Variants in ARB2A observed in about 807,000 individuals in gnomAD.
The protein encoded by ARB2A is ARB2 cotranscriptional regulator A.
chr5:93,963,044 C>T, the ARB2A span, among the ~76,000 whole-genome samples: 25 of 152,110 alleles, frequency 1.6e-4, no homozygotes, highest in East Asian at 4.8e-3. Flanking sequence ...AGTTAGCAGA[C>T]TCAATATTAA....
the ARB2A span, among the ~76,000 whole-genome samples, chr5:93,665,456 C>G: frequency 6.6e-6 from 1 of 152,126 alleles, no homozygotes; most frequent in African/African-American, 2.4e-5. Context: ...TCACAACAAA[C>G]TTGGACAACA....
chr5:93,765,600 C>T, the ARB2A span, among the ~76,000 whole-genome samples: 1 of 152,146 alleles, frequency 6.6e-6, no homozygotes, highest in Non-Finnish European at 1.5e-5. Context: ...GAATCAACAT[C>T]ATGAAAATGG....
the ARB2A span, among the ~76,000 whole-genome samples, chr5:93,807,601 G>C: frequency 1.3e-5 from 2 of 151,844 alleles, no homozygotes; most frequent in Non-Finnish European, 2.9e-5. Context: ...AAGACAAGTG[G>C]TAACCTATTG....
chr5:93,914,025 T>C, the ARB2A span, among the ~76,000 whole-genome samples: 1 of 151,962 alleles, frequency 6.6e-6, no homozygotes, highest in African/African-American at 2.4e-5. Flanking sequence ...CATCCTTCCA[T>C]GGAAGATTCC....
At chr5:93,721,611 G>A in the ARB2A span, among the ~76,000 whole-genome samples, 2 of 152,166 alleles carry the variant, frequency 1.3e-5, no homozygotes, top group Non-Finnish European at 1.5e-5. Context: ...AGGTATTGCT[G>A]AGATCAAATT....
chr5:93,737,598 C>CTT, the ARB2A span: 1 of 160,494 alleles, frequency 6.2e-6, no homozygotes, highest in African/African-American at 2.4e-5. Flanking sequence ...TACTGCAAAG[C>CTT]TACAGTAGTC....
At chr5:94,053,198 G>A in the ARB2A span, 1 of 1,591,344 alleles carries the variant, frequency 6.3e-7, no homozygotes, top group Non-Finnish European at 8.6e-7. Flanking sequence ...TTTTTCATTA[G>A]TTCATCCAAA....
the ARB2A span, among the ~76,000 whole-genome samples, chr5:94,085,987 T>C: frequency 6.6e-6 from 1 of 151,924 alleles, no homozygotes. Context: ...AAAAAATAAA[T>C]GCAAAATTCA....
chr5:93,749,443 A>G, the ARB2A span, among the ~76,000 whole-genome samples: 1 of 152,330 alleles, frequency 6.6e-6, no homozygotes, highest in South Asian at 2.1e-4. Context: ...TTATTCAACT[A>G]AACCATGGTA....
At chr5:93,778,233 G>C in the ARB2A span, among the ~76,000 whole-genome samples, 5 of 152,048 alleles carry the variant, frequency 3.3e-5, no homozygotes, top group African/African-American at 1.2e-4. Context: ...AACTATAAAA[G>C]AAATAGGGTT....
At chr5:93,710,237 C>T in the ARB2A span, among the ~76,000 whole-genome samples, 1 of 152,118 alleles carries the variant, frequency 6.6e-6, no homozygotes, top group Admixed American at 6.5e-5. Flanking sequence ...TATTTGACCC[C>T]TTTAATAGTT....
the ARB2A span, among the ~76,000 whole-genome samples, chr5:93,838,986 C>G: frequency 6.6e-6 from 1 of 152,146 alleles, no homozygotes; most frequent in Admixed American, 6.5e-5. Context: ...CATCTGCACA[C>G]AGGGATAGTT....
At chr5:93,946,204 C>A in the ARB2A span, among the ~76,000 whole-genome samples, 1 of 151,814 alleles carries the variant, frequency 6.6e-6, no homozygotes, top group Non-Finnish European at 1.5e-5. Context: ...TCTAACAATA[C>A]AGGAAGACAA....
the ARB2A span, among the ~76,000 whole-genome samples, chr5:94,065,559 A>G: frequency 6.6e-6 from 1 of 152,212 alleles, no homozygotes. Context: ...CGAAAACCAA[A>G]AGTGAGCAGG....
the ARB2A span, among the ~76,000 whole-genome samples, chr5:93,781,036 T>C: frequency 6.6e-6 from 1 of 152,162 alleles, no homozygotes; most frequent in African/African-American, 2.4e-5. Flanking sequence ...TTTTTATAGA[T>C]TTAGGGGTTT....
the ARB2A span, chr5:93,881,789 T>C: frequency 7.7e-6 from 5 of 651,704 alleles, no homozygotes; most frequent in Non-Finnish European, 1.2e-5. Context: ...TTTTATATAG[T>C]TGCATATTCA....
the ARB2A span, among the ~76,000 whole-genome samples, chr5:93,653,755 T>C: frequency 6.6e-6 from 1 of 152,102 alleles, no homozygotes; most frequent in Admixed American, 6.6e-5. Context: ...GTTATCTTCA[T>C]ATATATTATT....
chr5:93,627,328 C>T, the ARB2A span, among the ~76,000 whole-genome samples: 9 of 152,132 alleles, frequency 5.9e-5, no homozygotes, highest in South Asian at 1.7e-3. Flanking sequence ...CACAAATGTT[C>T]TTAATAGAAG....
the ARB2A span, among the ~76,000 whole-genome samples, chr5:94,077,156 C>T: frequency 4.6e-5 from 7 of 152,018 alleles, no homozygotes; most frequent in African/African-American, 1.4e-4. Context: ...AAGCAGATCA[C>T]GACATCAGGA....
Sources: allele counts gnomAD v4.1 joint callset (sites outside exome capture counted in the v4.1 genomes callset), GRCh38; gene constraint gnomAD v4.1.1; transcripts MANE v1.5; gene names NCBI Gene and HGNC (gene_info 2026-07-23, HGNC 2026-07-21).